The following SNRPA1 variants were observed in gnomAD, a reference collection of about 807,000 sequenced individuals.
SNRPA1 encodes small nuclear ribonucleoprotein polypeptide A'.
In SNRPA1, 5 loss-of-function variants were observed where a neutral mutation model predicts 32.3. That is an observed-to-expected ratio of 0.15 (90% CI 0.08 to 0.33). The LOEUF is 0.33. Ranked by LOEUF, SNRPA1 falls within the 10% of genes least tolerant of loss-of-function variation. The probability of loss-of-function intolerance (pLI) is 1.00; values close to 1 mark genes in which losing one functional copy is unlikely to be tolerated. For synonymous variants in SNRPA1, 111 were observed against 120.1 expected (o/e 0.92, Z 0.50); for missense variants, 198 against 311.1 (o/e 0.64, Z 2.74).
At chr15:101,294,023 CG>C (rs2039558303) in intron 1 of SNRPA1, among the ~76,000 whole-genome samples, 1 of 152,170 alleles carries the variant, frequency 6.6e-6, no homozygotes, top group Admixed American at 6.5e-5. Context: ...CACCTGAGGT[CG>C]GGAGTTCGAG....
intron 5 of SNRPA1, 29 bp downstream of exon 5, chr15:101,286,879 T>C: frequency 1.7e-6 from 2 of 1,147,068 alleles, no homozygotes; most frequent in Non-Finnish European, 2.6e-6. Flanking sequence ...AACTCTATAA[T>C]GGCTCACAAG....
intron 1 of SNRPA1, 130 bp from the exon 2 acceptor site, chr15:101,293,302 A>G (rs1490614367): frequency 1.7e-6 from 1 of 593,170 alleles, no homozygotes; most frequent in Non-Finnish European, 2.8e-6. Flanking sequence ...CCTAGCACCT[A>G]TGTCGGGTCA....
intron 3 of SNRPA1, among the ~76,000 whole-genome samples, chr15:101,290,954 C>G (rs2039519433): frequency 6.6e-6 from 1 of 152,090 alleles, no homozygotes; most frequent in Non-Finnish European, 1.5e-5. Context: ...ATTGCCCAGG[C>G]TGGTCTTGAA....
In SNRPA1 at chr15:101,281,775, A is replaced by G; in HGVS notation, c.717T>C (p.Thr239=). 3.7e-6 allele frequency: 6 copies of G among 1,614,088 alleles called. No homozygotes were observed. The highest frequency in any genetic ancestry group is 4.2e-6 in the Non-Finnish European group (5 of 1,179,922). Residue 239 remains threonine, a synonymous_variant, in exon 9 of 9, where the codon ACT becomes ACC. Coordinates refer to ENST00000254193, the MANE Select transcript of SNRPA1 (RefSeq NM_003090.4). ...IPGRERRSGP[T]DDGEEEMEED... ...CTTCCATCTCTTCTTCACCATCATC[A>G]GTGGGCCCTAAAGAAAACCACCAAA...
chr15:101,291,544 C>T (rs368448570), intron 3 of SNRPA1, among the ~76,000 whole-genome samples: 10 of 145,982 alleles, frequency 6.9e-5, no homozygotes, highest in African/African-American at 2.3e-4. Context: ...GCACTTAAGT[C>T]TTTGAAATCC....
chr15:101,294,406 C>T (rs1210725058), intron 1 of SNRPA1, among the ~76,000 whole-genome samples: 1 of 152,214 alleles, frequency 6.6e-6, no homozygotes, highest in Admixed American at 6.5e-5. Context: ...CCTTTTAAAG[C>T]CGTCTCCTGA....
rs1431491788 is a variant in SNRPA1, at chr15:101,285,125, C to G, written c.616-65G>C. 14 of 1,151,134 alleles carry G rather than the reference C, an allele frequency of 1.2e-5. No homozygotes were observed. The Admixed American group carries it at 1.5e-4, about 13-fold the overall frequency. The allele number at this position is 1,151,134 out of a possible 1,614,324, so 71.3% of individuals were successfully genotyped here. A position where few individuals can be genotyped will look rare whatever the true frequency, so the allele number is the denominator to read the frequency against. On this transcript the variant is annotated intron_variant, in intron 7 of 8. Transcript: ENST00000254193. ...AACCAAGTATCAGCTACCCAGAAAA[C>G]TAAGTGTCAATCACCTACAGAAATT...
rs2039395431 is a variant in SNRPA1, at chr15:101,281,637, T to C, written c.*87A>G. The C allele has an allele frequency of 4.3e-6, 4 of 930,832 alleles. No homozygotes were observed. In the African/African-American group the frequency reaches 4.9e-5, roughly 11 times the overall value. 57.7% of individuals were successfully genotyped at this position (930,832 alleles called of 1,614,324 possible). A position where few individuals can be genotyped will look rare whatever the true frequency, so the allele number is the denominator to read the frequency against. On this transcript the variant is annotated 3_prime_UTR_variant, in exon 9 of 9. Coordinates refer to ENST00000254193, the MANE Select transcript of SNRPA1 (RefSeq NM_003090.4). ...TTCAACAATGCTGATAGATTCCACT[T>C]TGCTAACACAAACAAGGCTATTATA...
chr15:101,293,000 A>G, intron 2 of SNRPA1, 25 bp downstream of exon 2: 1 of 1,542,116 alleles, frequency 6.5e-7, no homozygotes, highest in Non-Finnish European at 8.8e-7. Context: ...AGGGGAAAAA[A>G]TTACTTTCCC....
At chr15:101,294,230 C>G (rs1338626781) in intron 1 of SNRPA1, among the ~76,000 whole-genome samples, 1 of 152,222 alleles carries the variant, frequency 6.6e-6, no homozygotes, top group Non-Finnish European at 1.5e-5. Context: ...GAGCGAGACT[C>G]CATCTCAACA....
chr15:101,294,999 G>T, intron 1 of SNRPA1, 98 bp downstream of exon 1: 1 of 755,926 alleles, frequency 1.3e-6, no homozygotes, highest in Non-Finnish European at 1.9e-6. Context: ...CAACCGGCCC[G>T]CGGGCCAAGC....
intron 8 of SNRPA1, among the ~76,000 whole-genome samples, chr15:101,283,407 A>T (rs2039418567): frequency 6.6e-6 from 1 of 151,420 alleles, no homozygotes; most frequent in Non-Finnish European, 1.5e-5. Flanking sequence ...AAAAAAAAAA[A>T]TACAAAAAGT....
chr15:101,285,646 C>A lies in SNRPA1; in HGVS notation c.615+80G>T, dbSNP rs191257005. On this transcript the variant is annotated intron_variant, in intron 7 of 8. Transcript: ENST00000254193. ...GTGGGAAAATGAAATCTGCAATGTTCGGAACATGTTTATTATCCAGCTTTG... is the reference window on the plus strand; with the variant it reads ...GTGGGAAAATGAAATCTGCAATGTTAGGAACATGTTTATTATCCAGCTTTG... The A allele has an allele frequency of 9.5e-5, 91 of 959,272 alleles. No individual in the cohort carries two copies. The East Asian group carries it at 2.2e-3, about 23-fold the overall frequency. 59.4% of individuals were successfully genotyped at this position (959,272 alleles called of 1,614,324 possible).
intron 5 of SNRPA1, 27 bp downstream of exon 5, chr15:101,286,881 G>A (rs2141308288): frequency 1.7e-6 from 2 of 1,162,066 alleles, no homozygotes; most frequent in Non-Finnish European, 2.6e-6. Context: ...CTCTATAATG[G>A]CTCACAAGCA....
chr15:101,291,944 T>C lies in SNRPA1; in HGVS notation c.309+18A>G, dbSNP rs1230141309. The C allele has an allele frequency of 1.3e-6, 2 of 1,562,876 alleles. No individual in the cohort carries two copies. Among genetic ancestry groups the C allele is most frequent in the South Asian group, 1.1e-5 (1 of 89,376 alleles). The stretch of plus-strand genomic sequence containing the variant: ...TTAACCCCACCCACCAAATACATTT[T>C]CCTTCTGTGCAACTTACCAGTTCCA... On this transcript the variant is annotated intron_variant, in intron 3 of 8. Transcript: ENST00000254193.
At chr15:101,294,224 G>A (rs576893007) in intron 1 of SNRPA1, among the ~76,000 whole-genome samples, 2 of 152,336 alleles carry the variant, frequency 1.3e-5, no homozygotes, top group East Asian at 1.9e-4. Context: ...CGGAAAGAGC[G>A]AGACTCCATC....
At chr15:101,294,772 G>C (rs1163558938) in intron 1 of SNRPA1, 1 of 324,458 alleles carries the variant, frequency 3.1e-6, no homozygotes, top group Non-Finnish European at 5.6e-6. Flanking sequence ...CCATTAATGA[G>C]CCGCTCTTCC....
intron 4 of SNRPA1, among the ~76,000 whole-genome samples, chr15:101,287,296 T>C (rs1478386291): frequency 6.6e-6 from 1 of 152,192 alleles, no homozygotes; most frequent in Non-Finnish European, 1.5e-5. Context: ...TAACTTGTCA[T>C]TTACATTAGG....
intron 2 of SNRPA1, among the ~76,000 whole-genome samples, chr15:101,292,374 T>G (rs1178451194): frequency 6.6e-6 from 1 of 152,174 alleles, no homozygotes. Flanking sequence ...GATTCCCAGC[T>G]CAGGTACAAG....
Sources: allele counts gnomAD v4.1 joint callset (sites outside exome capture counted in the v4.1 genomes callset), GRCh38; gene constraint gnomAD v4.1.1; transcripts MANE v1.5; gene names NCBI Gene and HGNC (gene_info 2026-07-23, HGNC 2026-07-21).